The following SLC9A9 variants were observed in gnomAD, a reference collection of about 807,000 sequenced individuals.
The protein encoded by SLC9A9 is solute carrier family 9 member A9.
Under a neutral mutation model 77.8 loss-of-function variants are expected in SLC9A9, and 62 were observed. That is an observed-to-expected ratio of 0.80 (90% confidence interval 0.65 to 0.98). The LOEUF (loss-of-function observed/expected upper bound fraction) is 0.98, where lower values mean the gene tolerates loss of function less well. Ranked by LOEUF, SLC9A9 falls within the 50% of genes least tolerant of loss-of-function variation. SLC9A9 has a pLI of 0.00. For synonymous variants in SLC9A9, 320 were observed against 283.5 expected, an observed-to-expected ratio of 1.13 and a Z score of -1.29; for missense variants, 775 against 774.9, an observed-to-expected ratio of 1.00 and a Z score of 0.00.
intron 5 of SLC9A9, among the ~76,000 whole-genome samples, chr3:143,655,188 A>G (rs955159097): frequency 2.6e-5 from 4 of 152,212 alleles, no homozygotes; most frequent in South Asian, 2.1e-4. Flanking sequence ...TCATTTAATT[A>G]GCTCCCTGGC....
At chr3:143,833,726 T>C (rs888338848) in intron 1 of SLC9A9, among the ~76,000 whole-genome samples, 1 of 152,200 alleles carries the variant, frequency 6.6e-6, no homozygotes, top group Non-Finnish European at 1.5e-5. Flanking sequence ...TTCCTGATTG[T>C]CTTGCATCTG....
chr3:143,585,733 G>T (rs2037530369), intron 6 of SLC9A9, among the ~76,000 whole-genome samples: 1 of 152,020 alleles, frequency 6.6e-6, no homozygotes, highest in South Asian at 2.1e-4. Context: ...GGCTGGGTGG[G>T]CTTACCCCAC....
chr3:143,391,918 AT>A, intron 12 of SLC9A9, among the ~76,000 whole-genome samples: 1 of 152,350 alleles, frequency 6.6e-6, no homozygotes, highest in African/African-American at 2.4e-5. Context: ...GTAAAAAGAA[AT>A]GAACAAAGCC....
chr3:143,679,497 C>T (rs555074375), intron 5 of SLC9A9, among the ~76,000 whole-genome samples: 3 of 152,260 alleles, frequency 2.0e-5, no homozygotes, highest in East Asian at 1.9e-4. Flanking sequence ...AGTTGGGGGC[C>T]GTCTAGTGCG....
chr3:143,518,311 G>C lies in SLC9A9; in HGVS notation c.1090-22863C>G, dbSNP rs976612455. ...CTGGCTCAGCGTGACCACGCAGAAA[G>C]GGCTGTTTAACTACTTTCTTTAGAT... On this transcript the variant is annotated intron_variant, in intron 9 of 15. Transcript: ENST00000316549. 5.8e-6 allele frequency: 5 copies of C among 867,012 alleles called. No homozygotes were observed. The African/African-American group carries it at 8.4e-5, about 15-fold the overall frequency. 53.7% of individuals were successfully genotyped at this position (867,012 alleles called of 1,614,324 possible).
At chr3:143,374,575 A>G (rs1321287796) in intron 13 of SLC9A9, among the ~76,000 whole-genome samples, 1 of 152,008 alleles carries the variant, frequency 6.6e-6, no homozygotes, top group African/African-American at 2.4e-5. Flanking sequence ...ACAGATAAAG[A>G]AACAGGAAAA....
intron 6 of SLC9A9, among the ~76,000 whole-genome samples, chr3:143,605,289 T>G (rs1330357237): frequency 6.6e-6 from 1 of 152,172 alleles, no homozygotes; most frequent in Non-Finnish European, 1.5e-5. Flanking sequence ...GTGACTTCTT[T>G]GATGGTACAC....
At chr3:143,583,754 C>T (rs997839058) in intron 6 of SLC9A9, among the ~76,000 whole-genome samples, 1 of 152,114 alleles carries the variant, frequency 6.6e-6, no homozygotes, top group African/African-American at 2.4e-5. Context: ...AAATAAATCA[C>T]CTCTCTCTCT....
intron 14 of SLC9A9, among the ~76,000 whole-genome samples, chr3:143,274,422 GA>G (rs1937986158): frequency 6.6e-6 from 1 of 152,052 alleles, no homozygotes; most frequent in South Asian, 2.1e-4. Flanking sequence ...CTAAGATCTG[GA>G]CACTAAAGAT....
At chr3:143,391,368 C>G (rs1186217754) in intron 12 of SLC9A9, among the ~76,000 whole-genome samples, 1 of 152,226 alleles carries the variant, frequency 6.6e-6, no homozygotes, top group Non-Finnish European at 1.5e-5. Flanking sequence ...CAGCAAACTC[C>G]AACAGACCTG....
chr3:143,515,722 T>G (rs2036193899), intron 9 of SLC9A9, among the ~76,000 whole-genome samples: 1 of 152,256 alleles, frequency 6.6e-6, no homozygotes, highest in South Asian at 2.1e-4. Context: ...ATTATTCTTA[T>G]ATTCCTGGGA....
chr3:143,606,432 C>CTATATATATATA lies in SLC9A9; in HGVS notation c.756-27710_756-27709insTATATATATATA, dbSNP rs1287074508. Among the ~76,000 whole-genome samples the CTATATATATATA allele has an allele frequency of 3.0e-3, 174 of 58,614 alleles. 1 individual carries two copies. Among genetic ancestry groups the CTATATATATATA allele is most frequent in the Non-Finnish European group, 4.0e-3 (125 of 31,518 alleles). The allele number at this position is 58,614 out of a possible 152,430, so 38.5% of individuals were successfully genotyped here. A position where few individuals can be genotyped will look rare whatever the true frequency, so the allele number is the denominator to read the frequency against. ...TCTCTCTCTCTCTCTCTCTCTCTCTCTCTCTATATATATATATATATATAT... is the reference window on the plus strand; with the variant it reads ...TCTCTCTCTCTCTCTCTCTCTCTCTCTATATATATATATCTCTATATATATATATATATATAT... On this transcript the variant is annotated intron_variant, in intron 6 of 15. Coordinates refer to ENST00000316549, the MANE Select transcript of SLC9A9 (RefSeq NM_173653.4).
At chr3:143,652,810 C>CACACACACACACACACACAT (rs113827008) in intron 5 of SLC9A9, among the ~76,000 whole-genome samples, 2,849 of 148,194 alleles carry the variant, frequency 0.019, 66 homozygotes, top group East Asian at 0.051. Context: ...CACACACACA[C>CACACACACACACACACACAT]ACTTCTTGCT....
rs1286574593 is a variant in SLC9A9 at position 143,308,018 on chromosome 3, A to G, written c.1605-39038T>C. On this transcript the variant is annotated intron_variant, in intron 14 of 15. Transcript: ENST00000316549. ...CCCATGAGCACACAGGCATGAGGCC[A>G]TCAGAAGAAGGGAAATCCCAAAGGG... 3.3e-5 allele frequency among the ~76,000 whole-genome samples: 5 copies of G among 152,328 alleles called. No individual in the cohort carries two copies. The East Asian group carries it at 9.6e-4, about 29-fold the overall frequency.
intron 6 of SLC9A9, among the ~76,000 whole-genome samples, chr3:143,587,628 A>G (rs2037566023): frequency 6.6e-6 from 1 of 152,164 alleles, no homozygotes; most frequent in Non-Finnish European, 1.5e-5. Context: ...GGACATTGTT[A>G]GGATTTTCTT....
chr3:143,468,522 C>T (rs2035323029), intron 11 of SLC9A9, among the ~76,000 whole-genome samples: 1 of 152,182 alleles, frequency 6.6e-6, no homozygotes, highest in African/African-American at 2.4e-5. Flanking sequence ...TGATTCTGCC[C>T]ACCTTATTTC....
chr3:143,623,051 C>G (rs1430961390), intron 6 of SLC9A9, among the ~76,000 whole-genome samples: 2 of 152,170 alleles, frequency 1.3e-5, no homozygotes, highest in Admixed American at 6.5e-5. Flanking sequence ...ATCAATTCAA[C>G]AAGAAGAGCT....
chr3:143,392,039 C>T (rs1032993990), intron 12 of SLC9A9, among the ~76,000 whole-genome samples: 9 of 152,140 alleles, frequency 5.9e-5, no homozygotes, highest in African/African-American at 1.9e-4. Context: ...AGGATATTAT[C>T]CAGGAGAACT....
intron 6 of SLC9A9, among the ~76,000 whole-genome samples, chr3:143,607,893 A>G (rs910005815): frequency 6.6e-6 from 1 of 151,990 alleles, no homozygotes; most frequent in African/African-American, 2.4e-5. Flanking sequence ...TAGCACAAAT[A>G]TTTTTAACTT....
Sources: gnomAD v4.1 joint callset for allele counts (sites outside exome capture counted in the v4.1 genomes callset) on GRCh38, gnomAD v4.1.1 for gene constraint, MANE v1.5 for transcripts, NCBI Gene and HGNC (gene_info 2026-07-23, HGNC 2026-07-21) for gene names.